The following IL36B variants were observed in gnomAD, a reference collection of about 807,000 sequenced individuals.
IL36B encodes the protein interleukin 36 beta.
A neutral mutation model predicts 19.3 loss-of-function variants in IL36B; 23 were observed. The observed-to-expected ratio is 1.19, with a 90% CI of 0.86 to 1.69. IL36B has a LOEUF of 1.69. Among genes scored for constraint, IL36B ranks in the 40% most tolerant of loss-of-function variants. The pLI, the probability that IL36B is intolerant of heterozygous loss-of-function variation, is 0.00. For synonymous variants in IL36B, 59 were observed against 59.7 expected (o/e 0.99, Z 0.05); for missense variants, 217 against 200.5 (o/e 1.08, Z -0.50).
intron 5 of IL36B, among the ~76,000 whole-genome samples, chr2:113,025,071 C>T (rs1684932358): frequency 1.3e-5 from 2 of 152,184 alleles, no homozygotes; most frequent in Admixed American, 6.5e-5. Flanking sequence ...AACCCTCAGA[C>T]TGTGCACCGA....
At chr2:113,033,336 A>T (rs1685113361) in intron 1 of IL36B, among the ~76,000 whole-genome samples, 1 of 152,024 alleles carries the variant, frequency 6.6e-6, no homozygotes, top group South Asian at 2.1e-4. Flanking sequence ...GGTTCAAGTG[A>T]TTCTCCTGCC....
Position 113,031,694 on chromosome 2 carries a change from T to A in IL36B, c.13+3A>T. 1 of 1,610,386 alleles carries A rather than the reference T, an allele frequency of 6.2e-7. No individual in the cohort carries two copies. Among genetic ancestry groups the A allele is most frequent in the Non-Finnish European group, 8.5e-7 (1 of 1,176,846 alleles). On this transcript the variant is annotated splice_donor_region_variant and intron_variant, in intron 2 of 5. Transcript: ENST00000259213. ...CCAAGCTGATTTGCAATTCACCACT[T>A]ACGTTGTGGGTTCATGATGTCTTCA...
At chr2:113,045,899 C>T (rs1685340404) in intron 1 of IL36B, among the ~76,000 whole-genome samples, 1 of 152,104 alleles carries the variant, frequency 6.6e-6, no homozygotes, top group Non-Finnish European at 1.5e-5. Context: ...TTCATTTTAA[C>T]ATCTGTATCA....
intron 1 of IL36B, among the ~76,000 whole-genome samples, chr2:113,045,698 T>C (rs1158335016): frequency 6.6e-6 from 1 of 152,194 alleles, no homozygotes; most frequent in African/African-American, 2.4e-5. Flanking sequence ...TTTGGAACAT[T>C]TCTATTTCGA....
At chr2:113,041,275 C>T (rs1211932392) in intron 1 of IL36B, among the ~76,000 whole-genome samples, 2 of 152,090 alleles carry the variant, frequency 1.3e-5, no homozygotes, top group African/African-American at 4.8e-5. Flanking sequence ...GTCTTACTAG[C>T]AGCATGAGGA....
intron 1 of IL36B, among the ~76,000 whole-genome samples, chr2:113,044,535 C>A (rs1336625238): frequency 6.6e-6 from 1 of 152,088 alleles, no homozygotes. Context: ...TATAGCCACT[C>A]CAACTTGCTT....
intron 1 of IL36B, among the ~76,000 whole-genome samples, chr2:113,050,374 C>T (rs550270167): frequency 3.7e-4 from 56 of 151,844 alleles, no homozygotes; most frequent in Admixed American, 2.3e-3. Flanking sequence ...TGTAATTCCA[C>T]GTATATGAGG....
At chr2:113,043,872 T>A (rs1361880382) in intron 1 of IL36B, among the ~76,000 whole-genome samples, 1 of 152,222 alleles carries the variant, frequency 6.6e-6, no homozygotes, top group Non-Finnish European at 1.5e-5. Flanking sequence ...TGTATTTGTA[T>A]GTTTGTTGAA....
At chr2:113,028,796 T>C (rs746375190) in intron 4 of IL36B, 143 bp downstream of exon 4, 3 of 745,808 alleles carry the variant, frequency 4.0e-6, no homozygotes, top group Non-Finnish European at 6.2e-6. Context: ...CATTTATAGA[T>C]TCAGGGATCA....
At position 113,043,559 on chromosome 2, in the gene IL36B, G is replaced by T. The variant is rs187260852; in HGVS notation, c.-58+9258C>A. ...CATGGTATTTTTTTCTCCACTGATT[G>T]TATTTGTTGTTGTTGTTTTTAAGAC... On this transcript the variant is annotated intron_variant, in intron 1 of 5. Transcript: ENST00000259213. 1.4e-4 allele frequency among the ~76,000 whole-genome samples: 22 copies of T among 152,154 alleles called. No individual in the cohort carries two copies. The East Asian group carries it at 3.7e-3, about 25-fold the overall frequency.
At chr2:113,028,052 T>C (rs758729164) in intron 4 of IL36B, 2 of 1,614,196 alleles carry the variant, frequency 1.2e-6, no homozygotes, top group Admixed American at 1.7e-5. Flanking sequence ...CCTTCTTTAT[T>C]GTGGAAAAAG....
chr2:113,032,623 T>C (rs1396176085), intron 1 of IL36B, among the ~76,000 whole-genome samples: 2 of 152,160 alleles, frequency 1.3e-5, no homozygotes, highest in Non-Finnish European at 2.9e-5. Context: ...TGAAAGAAGT[T>C]CCCCATACCT....
chr2:113,032,990 C>A (rs1164221604), intron 1 of IL36B, among the ~76,000 whole-genome samples: 1 of 152,156 alleles, frequency 6.6e-6, no homozygotes, highest in East Asian at 1.9e-4. Context: ...CTTTACTGGT[C>A]TTCCTTGGAG....
chr2:113,047,541 G>A (rs10179714), intron 1 of IL36B, among the ~76,000 whole-genome samples: 9,826 of 152,186 alleles, frequency 0.065, 838 homozygotes, highest in East Asian at 0.22. Context: ...GGATTTGATA[G>A]GTTGAACCTG....
At chr2:113,034,962 T>C (rs1685141370) in intron 1 of IL36B, among the ~76,000 whole-genome samples, 1 of 152,206 alleles carries the variant, frequency 6.6e-6, no homozygotes, top group South Asian at 2.1e-4. Flanking sequence ...TGTGGTGTAC[T>C]CTAGAGATAC....
intron 1 of IL36B, among the ~76,000 whole-genome samples, 158 bp downstream of exon 1, chr2:113,052,659 A>C (rs142258459): frequency 1.5e-3 from 234 of 152,308 alleles, no homozygotes; most frequent in Admixed American, 4.8e-3. Context: ...CATATTCTGC[A>C]CTCATTACGC....
intron 1 of IL36B, among the ~76,000 whole-genome samples, chr2:113,041,539 G>A (rs905291449): frequency 3.3e-5 from 5 of 151,290 alleles, no homozygotes; most frequent in African/African-American, 1.2e-4. Context: ...GGTGAGCAAA[G>A]GTTTCTTAGG....
chr2:113,052,073 C>T (rs147508339), intron 1 of IL36B, among the ~76,000 whole-genome samples: 37 of 152,142 alleles, frequency 2.4e-4, no homozygotes, highest in African/African-American at 8.7e-4. Context: ...CCTCAGCCTC[C>T]CAAGTAGCTG....
At position 113,022,684 on chromosome 2, in the gene IL36B, C is replaced by G. The variant is rs754536213; in HGVS notation, c.485G>C (p.Gly162Ala). Residue 162 changes from glycine (G) to alanine (A), a missense_variant, in exon 6 of 6, where the codon GGA becomes GCA. Physicochemically the swap from Gly to Ala is moderately conservative, Grantham distance 60. Coordinates refer to ENST00000259213, the MANE Select transcript of IL36B (RefSeq NM_014438.5). ...TTCCTCCCCTTATTTCTACATCCTT[C>G]CTGGCATTCCTATGTTGGTCCGCAT... The G allele has an allele frequency of 7.5e-6, 12 of 1,600,168 alleles. No individual in the cohort carries two copies. The Admixed American group carries it at 2.0e-4, about 27-fold the overall frequency.
Sources: allele counts gnomAD v4.1 joint callset (sites outside exome capture counted in the v4.1 genomes callset), GRCh38; gene constraint gnomAD v4.1.1; transcripts MANE v1.5; gene names NCBI Gene and HGNC (gene_info 2026-07-23, HGNC 2026-07-21).